The following FMN2 variants were observed in gnomAD, a reference collection of about 807,000 sequenced individuals.
FMN2 encodes the protein formin-2.
A neutral mutation model predicts 142.3 loss-of-function variants in FMN2; 51 were observed. The ratio of observed to expected loss-of-function variants is 0.36; its 90% CI spans 0.29 to 0.45. The LOEUF (loss-of-function observed/expected upper bound fraction) is 0.45, where lower values mean the gene tolerates loss of function less well. FMN2 is among the 20% of genes least tolerant of loss of function. The probability of loss-of-function intolerance (pLI) is 1.00; values close to 1 mark genes in which losing one functional copy is unlikely to be tolerated. For synonymous variants in FMN2, 882 were observed against 869.8 expected, an observed-to-expected ratio of 1.01 and a Z score of -0.25; for missense variants, 1,936 against 2,122.8, an observed-to-expected ratio of 0.91 and a Z score of 1.73.
At chr1:240,462,139 A>G (rs769669302) in intron 16 of FMN2, among the ~76,000 whole-genome samples, 2 of 152,164 alleles carry the variant, frequency 1.3e-5, no homozygotes, top group Non-Finnish European at 2.9e-5. Flanking sequence ...TCATGTAGCC[A>G]TCATTTCTCT....
rs7544484 is a variant in FMN2, at chr1:240,112,236, C to T, written c.1616-10943C>T. On this transcript the variant is annotated intron_variant, in intron 1 of 17. Transcript: ENST00000319653. ...AACCTCCACCTCCTGGGTTCAAGTG[C>T]GCCTCCTGCCTCAGCCTCCCGAGTA... Among the ~76,000 whole-genome samples the T allele has an allele frequency of 1.8e-3, 268 of 151,028 alleles. 1 individual carries two copies. Among genetic ancestry groups the T allele is most frequent in the African/African-American group, 6.2e-3 (256 of 41,140 alleles).
intron 6 of FMN2, among the ~76,000 whole-genome samples, chr1:240,250,232 A>G (rs751819713): frequency 6.6e-6 from 1 of 152,160 alleles, no homozygotes; most frequent in Non-Finnish European, 1.5e-5. Flanking sequence ...TGGGTTTGCC[A>G]TATATGCCTT....
chr1:240,165,051 A>G (rs925854649), intron 2 of FMN2, among the ~76,000 whole-genome samples: 13 of 152,088 alleles, frequency 8.5e-5, no homozygotes, highest in African/African-American at 3.1e-4. Context: ...GAATGCACTA[A>G]TTTTTTATTC....
chr1:240,344,477 C>T (rs1293644412), intron 13 of FMN2, among the ~76,000 whole-genome samples: 1 of 152,104 alleles, frequency 6.6e-6, no homozygotes, highest in Non-Finnish European at 1.5e-5. Flanking sequence ...TCTCTTTCTC[C>T]TCACTCCTTC....
chr1:240,127,183 G>C (rs1662547418), intron 2 of FMN2, among the ~76,000 whole-genome samples: 1 of 151,466 alleles, frequency 6.6e-6, no homozygotes, highest in Admixed American at 6.6e-5. Flanking sequence ...AAGATCAGAG[G>C]CATGATCTTG....
intron 8 of FMN2, among the ~76,000 whole-genome samples, chr1:240,305,203 T>G (rs1670342999): frequency 6.6e-6 from 1 of 152,228 alleles, no homozygotes; most frequent in Non-Finnish European, 1.5e-5. Flanking sequence ...TTTAGTCAGA[T>G]TTTCCTCTAT....
intron 8 of FMN2, among the ~76,000 whole-genome samples, chr1:240,314,186 A>T (rs1670689969): frequency 1.3e-5 from 2 of 152,318 alleles, no homozygotes; most frequent in South Asian, 4.1e-4. Context: ...TTCTATGAAT[A>T]GTAGTTTAAC....
At chr1:240,122,524 C>T (rs748244810) in intron 1 of FMN2, among the ~76,000 whole-genome samples, 2 of 152,020 alleles carry the variant, frequency 1.3e-5, no homozygotes, top group African/African-American at 2.4e-5. Flanking sequence ...CTCAGGTGAT[C>T]CACCTGCCTC....
chr1:240,356,470 G>A (rs2103047596), intron 14 of FMN2, among the ~76,000 whole-genome samples: 1 of 152,124 alleles, frequency 6.6e-6, no homozygotes, highest in African/African-American at 2.4e-5. Context: ...GACTCTTCCT[G>A]CATTTCTAGG....
chr1:240,214,953 CT>C (rs1666838774), intron 6 of FMN2, among the ~76,000 whole-genome samples: 1 of 151,992 alleles, frequency 6.6e-6, no homozygotes, highest in South Asian at 2.1e-4. Context: ...GTCATCCCAG[CT>C]ACTTGGGAAG....
At chr1:240,347,226 A>G (rs1671936153) in intron 13 of FMN2, among the ~76,000 whole-genome samples, 1 of 152,374 alleles carries the variant, frequency 6.6e-6, no homozygotes, top group East Asian at 1.9e-4. Context: ...GAAAATGTGG[A>G]AAGCGTATAC....
chr1:240,332,844 T>A (rs903773319), intron 11 of FMN2, among the ~76,000 whole-genome samples: 1 of 152,184 alleles, frequency 6.6e-6, no homozygotes, highest in African/African-American at 2.4e-5. Flanking sequence ...TCAGCATGCC[T>A]AGTTTTGTTA....
chr1:240,277,276 C>T (rs1252845263), intron 7 of FMN2, among the ~76,000 whole-genome samples: 1 of 151,990 alleles, frequency 6.6e-6, no homozygotes, highest in Non-Finnish European at 1.5e-5. Context: ...TCCAAGTTGA[C>T]ATTAATTATT....
chr1:240,302,866 T>A (rs1364177769), intron 8 of FMN2, among the ~76,000 whole-genome samples: 2 of 152,130 alleles, frequency 1.3e-5, no homozygotes, highest in African/African-American at 2.4e-5. Flanking sequence ...CTACTAAAGT[T>A]TAATTTCTTT....
At chr1:240,252,118 A>G (rs943981384) in intron 6 of FMN2, among the ~76,000 whole-genome samples, 1 of 152,154 alleles carries the variant, frequency 6.6e-6, no homozygotes, top group Non-Finnish European at 1.5e-5. Flanking sequence ...CATTTCGGCC[A>G]GGTTGGTCTC....
chr1:240,296,185 A>G (rs1429107735), intron 8 of FMN2, among the ~76,000 whole-genome samples: 1 of 141,044 alleles, frequency 7.1e-6, no homozygotes, highest in African/African-American at 2.6e-5. Context: ...AGCTTTTGTT[A>G]TGTAGTACTT....
At chr1:240,225,421 C>T (rs770524185) in intron 6 of FMN2, among the ~76,000 whole-genome samples, 2 of 152,138 alleles carry the variant, frequency 1.3e-5, no homozygotes, top group African/African-American at 2.4e-5. Context: ...AGGGGTGACC[C>T]ATAGGTAGCC....
chr1:240,467,759 A>T (rs545539066), intron 16 of FMN2, among the ~76,000 whole-genome samples: 1 of 152,344 alleles, frequency 6.6e-6, no homozygotes, highest in Admixed American at 6.5e-5. Flanking sequence ...TTTTACTCAC[A>T]TTGGACTTAC....
chr1:240,419,899 G>GAAA (rs1674708328), intron 15 of FMN2, among the ~76,000 whole-genome samples: 1 of 152,074 alleles, frequency 6.6e-6, no homozygotes. Context: ...TGTGGTCATA[G>GAAA]AGGTTGAGCA....
Sources: allele counts gnomAD v4.1 joint callset (sites outside exome capture counted in the v4.1 genomes callset), GRCh38; gene constraint gnomAD v4.1.1; transcripts MANE v1.5; gene names NCBI Gene and HGNC (gene_info 2026-07-23, HGNC 2026-07-21).